Variants in ADAM18 observed in about 807,000 individuals in gnomAD.
ADAM18 encodes disintegrin and metalloproteinase domain-containing protein 18.
Under a neutral mutation model 94.4 loss-of-function variants are expected in ADAM18, and 117 were observed. That is an observed-to-expected ratio of 1.24 (90% CI 1.07 to 1.45). The LOEUF is 1.45. Among genes scored for constraint, ADAM18 ranks in the 40% most tolerant of loss-of-function variants. The pLI is 0.00. For missense variants in ADAM18, 936 were observed against 880.0 expected (o/e 1.06, Z -0.81); for synonymous variants, 327 against 291.6 (o/e 1.12, Z -1.24).
intron 17 of ADAM18, among the ~76,000 whole-genome samples, chr8:39,706,139 A>T (rs185441418): frequency 2.0e-4 from 30 of 152,268 alleles, no homozygotes; most frequent in Non-Finnish European, 3.7e-4. Context: ...CTGTAGAAAT[A>T]TTAATACAAA....
At chr8:39,599,475 C>T (rs778142789) in intron 2 of ADAM18, among the ~76,000 whole-genome samples, 3 of 151,914 alleles carry the variant, frequency 2.0e-5, no homozygotes, top group Non-Finnish European at 2.9e-5. Flanking sequence ...CCAGTGAATC[C>T]ATCTGGGCCT....
At chr8:39,606,411 T>C (rs1448389789) in intron 3 of ADAM18, 49 bp downstream of exon 3, 1 of 1,255,304 alleles carries the variant, frequency 8.0e-7, no homozygotes. Flanking sequence ...GCTTTAAGTT[T>C]AGATTTTACA....
intron 16 of ADAM18, among the ~76,000 whole-genome samples, chr8:39,686,141 A>G (rs1365947230): frequency 6.6e-6 from 1 of 152,140 alleles, no homozygotes; most frequent in Non-Finnish European, 1.5e-5. Flanking sequence ...TCTAGCAAGC[A>G]CTTCCAAACC....
Position 39,610,616 on chromosome 8 carries a change from A to G in ADAM18, c.432A>G (p.Lys144=). The part of the protein sequence containing the change: ...ARFEHIIYQM[K]NNDPNVSILA... ...TTGAGCATATAATTTATCAAATGAA[A>G]AATAATGATCCAAATGTATCCATTT... is the stretch of plus-strand genomic sequence containing the variant. Residue 144 remains lysine, a synonymous_variant, in exon 6 of 20, where the codon AAA becomes AAG. Coordinates refer to ENST00000265707, the MANE Select transcript of ADAM18 (RefSeq NM_014237.3). 1.9e-6 allele frequency: 3 copies of G among 1,613,156 alleles called. No individual in the cohort carries two copies. The highest frequency in any genetic ancestry group is 2.5e-6 in the Non-Finnish European group (3 of 1,179,422).
At chr8:39,652,696 A>C (rs1370726041) in intron 12 of ADAM18, among the ~76,000 whole-genome samples, 2 of 152,232 alleles carry the variant, frequency 1.3e-5, no homozygotes, top group African/African-American at 4.8e-5. Context: ...ATATATTCAC[A>C]GGAAACAATA....
chr8:39,595,076 A>AT (rs1341124764), intron 2 of ADAM18, among the ~76,000 whole-genome samples: 5 of 151,860 alleles, frequency 3.3e-5, no homozygotes, highest in Admixed American at 6.6e-5. Context: ...AGCTCTGTGC[A>AT]TTTTTTATCA....
chr8:39,601,059 C>T (rs937625423), intron 2 of ADAM18, among the ~76,000 whole-genome samples: 1 of 152,152 alleles, frequency 6.6e-6, no homozygotes, highest in Admixed American at 6.5e-5. Flanking sequence ...GCATGCTTTA[C>T]ATGGCCAGAG....
At chr8:39,692,451 AAT>A (rs2129580879) in intron 16 of ADAM18, 147 bp from the exon 17 acceptor site, 1 of 410,214 alleles carries the variant, frequency 2.4e-6, no homozygotes, top group East Asian at 3.7e-5. Flanking sequence ...AAATTAAGAT[AAT>A]GTTAATCATA....
chr8:39,622,234 T>C (rs1041262886), intron 6 of ADAM18, among the ~76,000 whole-genome samples: 4 of 150,864 alleles, frequency 2.7e-5, no homozygotes, highest in African/African-American at 9.7e-5. Context: ...AATTATATTC[T>C]CATTGATTAA....
At chr8:39,709,955 G>T (rs986906256) in intron 18 of ADAM18, among the ~76,000 whole-genome samples, 1 of 152,246 alleles carries the variant, frequency 6.6e-6, no homozygotes, top group African/African-American at 2.4e-5. Context: ...TGGATAGACA[G>T]AGGTTTAGTT....
intron 17 of ADAM18, among the ~76,000 whole-genome samples, chr8:39,697,478 ATGAC>A (rs1233647062): frequency 6.6e-6 from 1 of 151,604 alleles, no homozygotes; most frequent in Non-Finnish European, 1.5e-5. Context: ...TCTTTCTTGA[ATGAC>A]TGGTTGATTT....
chr8:39,721,017 A>G (rs1822728155), intron 18 of ADAM18, among the ~76,000 whole-genome samples: 1 of 151,576 alleles, frequency 6.6e-6, no homozygotes, highest in African/African-American at 2.4e-5. Context: ...TTTCTATGCA[A>G]AGGTATAGTA....
chr8:39,626,150 G>A (rs1444589654), intron 6 of ADAM18, among the ~76,000 whole-genome samples: 3 of 152,078 alleles, frequency 2.0e-5, no homozygotes, highest in Non-Finnish European at 4.4e-5. Flanking sequence ...GTAGGGTTGT[G>A]TGTTTCCAGG....
rs375198907 is a variant in ADAM18 at position 39,617,166 on chromosome 8, A to G, written c.522+6460A>G. Among the ~76,000 whole-genome samples, 11 of 152,296 alleles carry G rather than the reference A, an allele frequency of 7.2e-5. No individual in the cohort carries two copies. In the East Asian group the frequency reaches 1.2e-3, roughly 16 times the overall value. ...AATTTACAAGAAAAAAAAGAATCCT[A>G]TTTAAAAATGAACAAAGGACATGAA... On this transcript the variant is annotated intron_variant, in intron 6 of 19. Coordinates refer to ENST00000265707, the MANE Select transcript of ADAM18 (RefSeq NM_014237.3).
At chr8:39,617,044 G>T (rs1819463489) in intron 6 of ADAM18, among the ~76,000 whole-genome samples, 1 of 152,014 alleles carries the variant, frequency 6.6e-6, no homozygotes, top group Non-Finnish European at 1.5e-5. Flanking sequence ...AAAAGCTTCT[G>T]CACAACAAAA....
chr8:39,668,321 A>C, intron 14 of ADAM18, 125 bp downstream of exon 14: 1 of 879,654 alleles, frequency 1.1e-6, no homozygotes, highest in Non-Finnish European at 1.7e-6. Flanking sequence ...ATTAAATTTT[A>C]GTTAAAGAAG....
At position 39,610,724 on chromosome 8, in the gene ADAM18, G is replaced by C. The variant is rs779970792; in HGVS notation, c.522+18G>C. 6.2e-7 allele frequency: 1 copy of C among 1,609,132 alleles called. No homozygotes were observed. The highest frequency in any genetic ancestry group is 2.2e-5 in the East Asian group (1 of 44,604). The stretch of plus-strand genomic sequence containing the variant: ...ACTCACAGGTGACTGTCATCATTCT[G>C]ATGTTATGACATACTAGAACATTGC... On this transcript the variant is annotated intron_variant, in intron 6 of 19. Transcript: ENST00000265707.
At chr8:39,656,148 A>C (rs1175622962) in intron 12 of ADAM18, among the ~76,000 whole-genome samples, 1 of 152,174 alleles carries the variant, frequency 6.6e-6, no homozygotes, top group South Asian at 2.1e-4. Context: ...CTGATTTTCA[A>C]GTTTAAATGG....
chr8:39,717,827 C>T (rs1251473937), intron 18 of ADAM18, among the ~76,000 whole-genome samples: 3 of 151,280 alleles, frequency 2.0e-5, no homozygotes, highest in Admixed American at 6.6e-5. Flanking sequence ...GAGTTAATAT[C>T]CAAAATATAT....
Sources: gnomAD v4.1 joint callset for allele counts (sites outside exome capture counted in the v4.1 genomes callset) on GRCh38, gnomAD v4.1.1 for gene constraint, MANE v1.5 for transcripts, NCBI Gene and HGNC (gene_info 2026-07-23, HGNC 2026-07-21) for gene names.